Variants in UGT1A8 observed in about 807,000 individuals in gnomAD.
UGT1A8 encodes UDP-glucuronosyltransferase 1A8.
Under a neutral mutation model 45.3 loss-of-function variants are expected in UGT1A8, and 39 were observed. The ratio of observed to expected loss-of-function variants is 0.86; its 90% CI spans 0.67 to 1.12. The LOEUF (loss-of-function observed/expected upper bound fraction) is 1.12. Among genes scored for constraint, UGT1A8 ranks in the 50% most tolerant of loss-of-function variants. The pLI, the probability that UGT1A8 is intolerant of heterozygous loss-of-function variation, is 0.00. For missense variants in UGT1A8, 719 were observed against 664.9 expected (o/e 1.08, Z -0.90); for synonymous variants, 275 against 249.2 (o/e 1.10, Z -0.97).
At chr2:233,746,615 T>G (rs1693440411) in intron 1 of UGT1A8, among the ~76,000 whole-genome samples, 1 of 151,704 alleles carries the variant, frequency 6.6e-6, no homozygotes, top group Non-Finnish European at 1.5e-5. Flanking sequence ...ACCTGACCCC[T>G]CCTTTCAGGC....
intron 1 of UGT1A8, among the ~76,000 whole-genome samples, chr2:233,695,417 C>G (rs552700475): frequency 3.1e-4 from 44 of 142,032 alleles, no homozygotes; most frequent in Admixed American, 2.1e-4. Flanking sequence ...AGCTACCGCG[C>G]CCGGCCTTCT....
In UGT1A8 at chr2:233,676,479, C is replaced by T. The variant is rs34707303; in HGVS notation, c.855+57917C>T. 8.8e-3 allele frequency among the ~76,000 whole-genome samples: 1,340 copies of T among 152,296 alleles called. 16 individuals are homozygous for T. Among genetic ancestry groups the T allele is most frequent in the Middle Eastern group, 0.024 (7 of 294 alleles). The stretch of plus-strand genomic sequence containing the variant: ...ATCACAACTCATTCACCAATATTGA[C>T]GCATAATGATGAGCTAAAAGCTAAA... On this transcript the variant is annotated intron_variant, in intron 1 of 4. Coordinates refer to ENST00000373450, the MANE Select transcript of UGT1A8 (RefSeq NM_019076.5).
At chr2:233,719,824 T>G in intron 1 of UGT1A8, 2 of 1,564,874 alleles carry the variant, frequency 1.3e-6, no homozygotes, top group South Asian at 2.4e-5. Context: ...GATAAACTGT[T>G]GAGGGGCCTA....
At chr2:233,619,818 C>T (rs17868309) in intron 1 of UGT1A8, among the ~76,000 whole-genome samples, 5,917 of 152,194 alleles carry the variant, frequency 0.039, 154 homozygotes, top group African/African-American at 0.064. Context: ...ATACCATCTG[C>T]AAGTAATTCC....
At position 233,769,464 on chromosome 2, in the gene UGT1A8, C is replaced by CGTGT; in HGVS notation, c.1295+1037_1295+1040dup. The CGTGT allele has an allele frequency of 2.0e-6, 3 of 1,503,202 alleles. No individual in the cohort carries two copies. The highest frequency in any genetic ancestry group is 2.4e-5 in the South Asian group (2 of 84,104). The allele number at this position is 1,503,202 out of a possible 1,614,324, so 93.1% of individuals were successfully genotyped here. On this transcript the variant is annotated intron_variant, in intron 4 of 4. Transcript: ENST00000373450. The surrounding 1 kb of genome is among the most constrained non-coding windows in gnomAD (Gnocchi z 4.4). ...GGGTGCACACGTGTGCATTCATATG[C>CGTGT]GTGTGTGTGTGTGTGCGTGTGTTTA...
At position 233,623,450 on chromosome 2, in the gene UGT1A8, A is replaced by C. The variant is rs550294449; in HGVS notation, c.855+4888A>C. ...TTGAAGAGGTCTTCGCATCCTTTGT[A>C]AGTTGGATTCCTAGGTGTTTTATTC... On this transcript the variant is annotated intron_variant, in intron 1 of 4. Transcript: ENST00000373450. 2.0e-5 allele frequency among the ~76,000 whole-genome samples: 3 copies of C among 152,216 alleles called. No individual in the cohort carries two copies. The South Asian group carries it at 6.2e-4, about 32-fold the overall frequency.
chr2:233,705,730 T>G (rs898317128), intron 1 of UGT1A8, among the ~76,000 whole-genome samples: 6 of 152,220 alleles, frequency 3.9e-5, no homozygotes, highest in African/African-American at 1.4e-4. Flanking sequence ...TTTAATACCC[T>G]GAGCAGGTAG....
chr2:233,663,310 G>C (rs1559330128), intron 1 of UGT1A8, among the ~76,000 whole-genome samples: 1 of 152,192 alleles, frequency 6.6e-6, no homozygotes, highest in African/African-American at 2.4e-5. Flanking sequence ...GTCTCCCCAA[G>C]CAATTTGGGG....
chr2:233,724,540 G>A (rs1161691820), intron 1 of UGT1A8, among the ~76,000 whole-genome samples: 2 of 122,844 alleles, frequency 1.6e-5, no homozygotes, highest in African/African-American at 3.3e-5. Context: ...CCGGGCAGAG[G>A]CGCTCCTCAC....
chr2:233,690,603 G>A (rs1332759487), intron 1 of UGT1A8: 13 of 1,289,150 alleles, frequency 1.0e-5, no homozygotes, highest in East Asian at 5.6e-5. Context: ...AAAAAAAATC[G>A]GCCTTTGCCT....
intron 1 of UGT1A8, among the ~76,000 whole-genome samples, chr2:233,707,963 C>T (rs982486445): frequency 6.6e-6 from 1 of 152,190 alleles, no homozygotes; most frequent in South Asian, 2.1e-4. Flanking sequence ...TTTGCCCATT[C>T]AAGTCTATTG....
chr2:233,723,019 G>C (rs1235467270), intron 1 of UGT1A8, among the ~76,000 whole-genome samples: 2 of 145,208 alleles, frequency 1.4e-5, no homozygotes, highest in Non-Finnish European at 3.0e-5. Flanking sequence ...ATGAGAAGGT[G>C]GAAGGGCCAG....
intron 1 of UGT1A8, among the ~76,000 whole-genome samples, chr2:233,724,643 C>T (rs1474799559): frequency 2.1e-5 from 3 of 141,252 alleles, no homozygotes; most frequent in Non-Finnish European, 3.1e-5. Flanking sequence ...GATGTGATGG[C>T]GGCTGGGAAG....
intron 1 of UGT1A8, chr2:233,691,730 A>T (rs1048657443): frequency 1.5e-5 from 12 of 777,576 alleles, no homozygotes; most frequent in Non-Finnish European, 1.9e-5. Context: ...TGGCTGGGCC[A>T]GAAGCAGATA....
chr2:233,619,032 T>G (rs1036237214), intron 1 of UGT1A8, among the ~76,000 whole-genome samples: 1 of 152,120 alleles, frequency 6.6e-6, no homozygotes, highest in Non-Finnish European at 1.5e-5. Flanking sequence ...CAGCAAGAAA[T>G]GAAACTCCCC....
intron 1 of UGT1A8, among the ~76,000 whole-genome samples, chr2:233,653,299 G>T (rs1330389546): frequency 1.3e-5 from 2 of 152,152 alleles, no homozygotes; most frequent in Admixed American, 1.3e-4. Context: ...CCATAAAATA[G>T]GTAATAATAA....
intron 1 of UGT1A8, chr2:233,761,033 G>A (rs774774935): frequency 1.2e-6 from 2 of 1,614,186 alleles, no homozygotes; most frequent in Non-Finnish European, 1.7e-6. Context: ...GACCTATTGA[G>A]CTCTGCATCT....
At chr2:233,655,310 C>T (rs1192586022) in intron 1 of UGT1A8, among the ~76,000 whole-genome samples, 1 of 152,116 alleles carries the variant, frequency 6.6e-6, no homozygotes, top group Non-Finnish European at 1.5e-5. Context: ...AAGTGACAAC[C>T]CATGCAGGTT....
Position 233,772,513 on chromosome 2 carries a change from G to C in UGT1A8, c.1547G>C (p.Gly516Ala), listed in dbSNP as rs867885761. ...CCAYGYRKCL[G>A]KKGRVKKAHK... ...GCTTATGGCTACCGGAAATGCTTGG[G>C]GAAAAAAGGGCGAGTTAAGAAAGCC... The change falls in exon 5 of 5, where the codon GGG (glycine) becomes GCG (alanine). Residue 516 changes from glycine to alanine, a missense_variant. Gly to Ala is a moderately conservative substitution (Grantham distance 60). Transcript: ENST00000373450. 26 of 1,614,000 alleles carry C rather than the reference G, an allele frequency of 1.6e-5. 1 individual carries two copies. In the East Asian group the frequency reaches 5.6e-4, roughly 35 times the overall value.
Sources: allele counts gnomAD v4.1 joint callset (sites outside exome capture counted in the v4.1 genomes callset), GRCh38; gene constraint gnomAD v4.1.1; non-coding constraint Gnocchi (gnomAD v3.1); transcripts MANE v1.5; gene names NCBI Gene and HGNC (gene_info 2026-07-23, HGNC 2026-07-21).